FOCAD: variants seen among roughly 807,000 people sequenced by gnomAD.
FOCAD encodes focadhesin, also known as KIAA1797.
In FOCAD, 198 loss-of-function variants were observed where a neutral mutation model predicts 225.6. The ratio of observed to expected loss-of-function variants is 0.88; its 90% CI spans 0.78 to 0.99. FOCAD has a LOEUF of 0.99. Among genes scored for constraint, FOCAD ranks in the 50% least tolerant of loss-of-function variants. The pLI, the probability that FOCAD is intolerant of heterozygous loss-of-function variation, is 0.00. For synonymous variants in FOCAD, 897 were observed against 755.0 expected (o/e 1.19, Z -3.08); for missense variants, 2,713 against 2,123.6 (o/e 1.28, Z -5.46).
intron 11 of FOCAD, among the ~76,000 whole-genome samples, chr9:20,811,674 A>G (rs911557534): frequency 6.6e-6 from 1 of 152,062 alleles, no homozygotes; most frequent in Non-Finnish European, 1.5e-5. Context: ...CAAATTCCTT[A>G]TAAGTGGAGG....
intron 35 of FOCAD, among the ~76,000 whole-genome samples, chr9:20,959,845 A>T (rs965485369): frequency 1.3e-5 from 2 of 152,118 alleles, no homozygotes; most frequent in Non-Finnish European, 2.9e-5. Context: ...TTTGCTATAG[A>T]TATATAGATT....
At chr9:20,722,439 C>T (rs1453256084) in intron 4 of FOCAD, among the ~76,000 whole-genome samples, 2 of 152,220 alleles carry the variant, frequency 1.3e-5, no homozygotes, top group African/African-American at 2.4e-5. Flanking sequence ...GCTCAGATGT[C>T]CTCTTTCCTG....
At chr9:20,857,751 A>G (rs1359937106) in intron 15 of FOCAD, among the ~76,000 whole-genome samples, 1 of 130,986 alleles carries the variant, frequency 7.6e-6, no homozygotes, top group Non-Finnish European at 1.6e-5. Flanking sequence ...GTGTTAAGGT[A>G]TGTTCTTTCT....
intron 28 of FOCAD, among the ~76,000 whole-genome samples, chr9:20,934,400 G>C (rs938627361): frequency 1.3e-5 from 2 of 152,116 alleles, no homozygotes; most frequent in African/African-American, 4.8e-5. Context: ...GAGAGCTGAG[G>C]ATCCTTCTGT....
chr9:20,923,679 G>T lies in FOCAD; in HGVS notation c.2872G>T (p.Gly958Cys), dbSNP rs1449392267. The T allele has an allele frequency of 2.5e-6, 4 of 1,613,804 alleles. No homozygotes were observed. In the African/African-American group the frequency reaches 5.3e-5, roughly 22 times the overall value. Residue 958 changes from glycine (G) to cysteine (C), a missense_variant, in exon 25 of 44, where the codon GGC (glycine) becomes TGC (cysteine). By Grantham distance (159) the Gly-to-Cys change is radical (BLOSUM62 -3). Coordinates refer to ENST00000338382, the MANE Select transcript of FOCAD (RefSeq NM_001375567.1). ...AAAKESPVVK[G>C]NALLALSSLA... ...GAACAGGGAGAGTCCGGTAGTGAAA[G>T]GCAATGCGCTGTTAGCTCTAAGCAG...
intron 24 of FOCAD, among the ~76,000 whole-genome samples, chr9:20,917,251 G>A (rs1378881538): frequency 6.6e-6 from 1 of 151,508 alleles, no homozygotes; most frequent in South Asian, 2.1e-4. Flanking sequence ...AATTTAGTTC[G>A]AGGGGATTAA....
chr9:20,808,068 G>C (rs1193729055), intron 11 of FOCAD, among the ~76,000 whole-genome samples: 1 of 151,794 alleles, frequency 6.6e-6, no homozygotes, highest in Non-Finnish European at 1.5e-5. Flanking sequence ...AAGAAAGAAC[G>C]AAATACTCCT....
chr9:20,937,330 A>G (rs1248825609), intron 28 of FOCAD, among the ~76,000 whole-genome samples: 1 of 151,564 alleles, frequency 6.6e-6, no homozygotes, highest in Admixed American at 6.6e-5. Flanking sequence ...TTCAAACTAT[A>G]CTACAAGGCT....
intron 28 of FOCAD, 107 bp from the exon 29 acceptor site, chr9:20,944,520 C>G: frequency 7.9e-7 from 1 of 1,268,930 alleles, no homozygotes; most frequent in South Asian, 1.5e-5. Context: ...AATTTGAATC[C>G]AGCCATCTCA....
intron 2 of FOCAD, among the ~76,000 whole-genome samples, chr9:20,668,878 T>C (rs529949425): frequency 3.7e-4 from 56 of 151,664 alleles, no homozygotes; most frequent in Non-Finnish European, 6.2e-4. Flanking sequence ...CAAACTTTAT[T>C]GCCCATCCTG....
chr9:20,773,749 C>T (rs1248762253), intron 8 of FOCAD, among the ~76,000 whole-genome samples: 2 of 152,052 alleles, frequency 1.3e-5, no homozygotes, highest in Non-Finnish European at 2.9e-5. Flanking sequence ...AAGGTCATCC[C>T]CTTTCGTTTC....
At chr9:20,719,172 C>G (rs879632459) in intron 3 of FOCAD, among the ~76,000 whole-genome samples, 8 of 152,028 alleles carry the variant, frequency 5.3e-5, no homozygotes, top group Non-Finnish European at 1.0e-4. Flanking sequence ...ACTTCTGCCT[C>G]CTGGGTTCAA....
intron 24 of FOCAD, among the ~76,000 whole-genome samples, chr9:20,922,607 C>T (rs7469447): frequency 0.65 from 98,258 of 152,032 alleles, 32,132 homozygotes; most frequent in South Asian, 0.7. Context: ...GGGAGCAGAG[C>T]TGAAAATCTT....
chr9:20,680,317 T>C (rs1312386070), upstream of FOCAD, among the ~76,000 whole-genome samples: 1 of 152,206 alleles, frequency 6.6e-6, no homozygotes, highest in African/African-American at 2.4e-5. Flanking sequence ...CCCAGCACTT[T>C]GGGAGGCTGA....
intron 2 of FOCAD, among the ~76,000 whole-genome samples, chr9:20,670,708 A>G (rs1822039197): frequency 6.6e-6 from 1 of 152,158 alleles, no homozygotes; most frequent in Admixed American, 6.5e-5. Context: ...ACAGCGCCAA[A>G]CCATATCATC....
At chr9:20,766,193 T>C (rs1193873247) in intron 7 of FOCAD, among the ~76,000 whole-genome samples, 1 of 152,208 alleles carries the variant, frequency 6.6e-6, no homozygotes, top group Non-Finnish European at 1.5e-5. Flanking sequence ...TTAAATGCTT[T>C]TAGAAATGAG....
chr9:20,985,381 C>A (rs543137673), intron 39 of FOCAD, among the ~76,000 whole-genome samples: 57 of 152,258 alleles, frequency 3.7e-4, no homozygotes, highest in African/African-American at 1.3e-3. Context: ...AGCTGCCAGG[C>A]TCATAGAAGC....
At chr9:20,702,950 A>G (rs1162017180) in intron 1 of FOCAD, among the ~76,000 whole-genome samples, 1 of 152,088 alleles carries the variant, frequency 6.6e-6, no homozygotes, top group Non-Finnish European at 1.5e-5. Flanking sequence ...GATAGTGGTA[A>G]GAGCTGAGAT....
chr9:20,950,049 A>C (rs1837549076), intron 33 of FOCAD, among the ~76,000 whole-genome samples: 1 of 152,150 alleles, frequency 6.6e-6, no homozygotes, highest in Non-Finnish European at 1.5e-5. Flanking sequence ...CCCTGATAAA[A>C]GTGTTTGGGC....
Sources: gnomAD v4.1 joint callset for allele counts (sites outside exome capture counted in the v4.1 genomes callset) on GRCh38, gnomAD v4.1.1 for gene constraint, MANE v1.5 for transcripts, NCBI Gene and HGNC (gene_info 2026-07-23, HGNC 2026-07-21) for gene names.